UNC50: variants seen among roughly 807,000 people sequenced by gnomAD.
The protein encoded by UNC50 is unc-50 inner nuclear membrane RNA binding protein, also known as protein unc-50 homolog.
A neutral mutation model predicts 31.5 loss-of-function variants in UNC50; 24 were observed. The ratio of observed to expected loss-of-function variants is 0.76; its 90% CI spans 0.55 to 1.07. UNC50 has a LOEUF of 1.07. UNC50 is among the 50% of genes least tolerant of loss of function. The probability of loss-of-function intolerance (pLI) is 0.00; values close to 1 mark genes in which losing one functional copy is unlikely to be tolerated. For missense variants in UNC50, 245 were observed against 304.2 expected (o/e 0.81, Z 1.45); for synonymous variants, 118 against 114.7 (o/e 1.03, Z -0.18).
intron 3 of UNC50, among the ~76,000 whole-genome samples, chr2:98,611,194 A>T (rs1418560518): frequency 6.6e-6 from 1 of 152,246 alleles, no homozygotes; most frequent in Non-Finnish European, 1.5e-5. Flanking sequence ...AGTTAAGGAC[A>T]TGCCTGTGAC....
intron 3 of UNC50, 60 bp downstream of exon 3, chr2:98,610,955 A>G (rs571419398): frequency 6.4e-7 from 1 of 1,555,802 alleles, no homozygotes; most frequent in African/African-American, 1.4e-5. Context: ...TGTTTGCTTC[A>G]GAGGTACAAT....
Position 98,608,626 on chromosome 2 carries a change from G to T in UNC50, c.-105G>T, listed in dbSNP as rs1405759232. The T allele has an allele frequency of 3.4e-6, 2 of 586,262 alleles. No individual in the cohort carries two copies. Among genetic ancestry groups the T allele is most frequent in the Non-Finnish European group, 6.0e-6 (2 of 330,628 alleles). 36.3% of individuals were successfully genotyped at this position (586,262 alleles called of 1,614,324 possible). A position where few individuals can be genotyped will look rare whatever the true frequency, so the allele number is the denominator to read the frequency against. On this transcript the variant is annotated 5_prime_UTR_variant, in exon 1 of 6. Transcript: ENST00000357765. ...GCGGCGCGCCCCAAGGGCCGGCTCC[G>T]TTGAGGGAAGGGAAGCCCGCCCGGT...
intron 5 of UNC50, 161 bp from the exon 6 acceptor site, chr2:98,618,007 G>T (rs903301061): frequency 1.1e-5 from 8 of 738,940 alleles, no homozygotes; most frequent in East Asian, 2.8e-5. Flanking sequence ...GGGTTGGGAA[G>T]AGTAGTCTAG....
intron 1 of UNC50, chr2:98,609,465 A>T (rs778029256): frequency 3.3e-5 from 16 of 488,898 alleles, no homozygotes; most frequent in Non-Finnish European, 5.9e-5. Context: ...CCTCGGAGTC[A>T]TGGGGCAGTC....
In UNC50 at chr2:98,616,235, C is replaced by T. The variant is rs1250323087; in HGVS notation, c.430C>T (p.Arg144Ter). 1.2e-6 allele frequency: 2 copies of T among 1,613,126 alleles called. No individual in the cohort carries two copies. The highest frequency in any genetic ancestry group is 1.7e-5 in the Admixed American group (1 of 59,818). ...WFISNKYLVKRQSRDYDVEWG... is the reference protein window; with the variant it reads ...WFISNKYLVK Reference sequence around the variant, plus strand: ...CATCTCTAACAAGTATTTAGTGAAACGACAGAGCAGAGACTATGATGTGGA... The same window carrying T: ...CATCTCTAACAAGTATTTAGTGAAATGACAGAGCAGAGACTATGATGTGGA... Residue 144 changes from arginine (R) to a stop codon, truncating the protein, a stop_gained, in exon 4 of 6, where the codon CGA (arginine) becomes TGA (stop). Coordinates refer to ENST00000357765, the MANE Select transcript of UNC50 (RefSeq NM_014044.7). LOFTEE classifies it high-confidence loss of function.
At chr2:98,612,710 A>G (rs948963552) in intron 3 of UNC50, among the ~76,000 whole-genome samples, 3 of 152,224 alleles carry the variant, frequency 2.0e-5, no homozygotes, top group African/African-American at 7.2e-5. Context: ...CGCCCAGCCA[A>G]TACCACCCTT....
chr2:98,609,706 C>G (rs769797554), intron 1 of UNC50, 50 bp from the exon 2 acceptor site: 1 of 1,609,540 alleles, frequency 6.2e-7, no homozygotes, highest in Non-Finnish European at 8.5e-7. Flanking sequence ...TGTCGGTAGC[C>G]AAATGTTTCT....
intron 3 of UNC50, among the ~76,000 whole-genome samples, chr2:98,615,660 G>A (rs1380116806): frequency 1.3e-5 from 2 of 152,078 alleles, no homozygotes; most frequent in Non-Finnish European, 2.9e-5. Flanking sequence ...CTTGTCTCTG[G>A]AGTCTGTTCT....
chr2:98,611,296 A>G (rs1175557841), intron 3 of UNC50, among the ~76,000 whole-genome samples: 1 of 152,244 alleles, frequency 6.6e-6, no homozygotes, highest in Non-Finnish European at 1.5e-5. Flanking sequence ...ACATCAGTCA[A>G]TATGTGTAAA....
rs375086000 is a variant in UNC50 at position 98,616,306 on chromosome 2, C to T, written c.501C>T (p.Leu167=). 7 of 1,614,116 alleles carry T rather than the reference C, an allele frequency of 4.3e-6. No homozygotes were observed. The highest frequency in any genetic ancestry group is 5.9e-6 in the Non-Finnish European group (7 of 1,180,010). ...TGCATCTCAATGCTTTTTATCCACT[C>T]CTGGTCATTTTGCATTTTATCCAGC... ...FDVHLNAFYP[L]LVILHFIQLF... The change falls in exon 4 of 6, where the codon CTC becomes CTT. Residue 167 remains leucine (L), a synonymous_variant. Transcript: ENST00000357765.
At chr2:98,609,546 T>C in intron 1 of UNC50, 1 of 673,966 alleles carries the variant, frequency 1.5e-6, no homozygotes, top group African/African-American at 1.8e-5. Flanking sequence ...AAGGGTGGGC[T>C]GTTGCCCTTG....
intron 1 of UNC50, 119 bp from the exon 2 acceptor site, chr2:98,609,637 C>G: frequency 6.6e-7 from 1 of 1,509,678 alleles, no homozygotes; most frequent in South Asian, 1.2e-5. Flanking sequence ...CCTGGCCTTT[C>G]TCTAGGGTTG....
intron 5 of UNC50, 152 bp downstream of exon 5, chr2:98,616,685 C>T (rs1176007620): frequency 1.5e-6 from 1 of 658,618 alleles, no homozygotes; most frequent in South Asian, 2.0e-5. Flanking sequence ...ATGACAATTA[C>T]ACAGGTTTGT....
intron 5 of UNC50, among the ~76,000 whole-genome samples, chr2:98,617,551 G>A (rs1700948879): frequency 7.0e-6 from 1 of 142,606 alleles, no homozygotes; most frequent in Non-Finnish European, 1.6e-5. Context: ...AGCTCAGTTT[G>A]TTTAAGAACT....
At chr2:98,610,989 CAG>C in intron 3 of UNC50, 94 bp downstream of exon 3, 1 of 1,398,100 alleles carries the variant, frequency 7.2e-7, no homozygotes, top group Non-Finnish European at 9.6e-7. Flanking sequence ...AATTGAAACC[CAG>C]GTAGAGTTAC....
rs183338473 is a variant in UNC50, at chr2:98,617,241, G to C, written c.643+708G>C. 4.5e-3 allele frequency among the ~76,000 whole-genome samples: 690 copies of C among 152,208 alleles called. 7 individuals carry two copies. Among genetic ancestry groups the C allele is most frequent in the African/African-American group, 0.016 (648 of 41,528 alleles). ...TACGTTTCTTACCCCTTCCTTTCCT[G>C]TTACTGTAGATGATTAGGGCCTAAC... On this transcript the variant is annotated intron_variant, in intron 5 of 5. Transcript: ENST00000357765.
At chr2:98,609,221 C>G (rs1204909982) in intron 1 of UNC50, 2 of 158,308 alleles carry the variant, frequency 1.3e-5, no homozygotes, top group African/African-American at 2.4e-5. Flanking sequence ...TGAACTATTC[C>G]GGATGTAAAA....
chr2:98,616,119 A>AATT, intron 3 of UNC50, 88 bp from the exon 4 acceptor site: 6 of 1,374,002 alleles, frequency 4.4e-6, no homozygotes, highest in Non-Finnish European at 4.9e-6. Context: ...ATATCTCCAG[A>AATT]ATTTAGAATG....
At chr2:98,618,123 A>ATTT (rs57212171) in intron 5 of UNC50, 45 bp from the exon 6 acceptor site, 227 of 1,233,120 alleles carry the variant, frequency 1.8e-4, no homozygotes, top group South Asian at 4.4e-4. Context: ...TTAGTCATTT[A>ATTT]TTTTTTTTTT....
Sources: allele counts gnomAD v4.1 joint callset (sites outside exome capture counted in the v4.1 genomes callset), GRCh38; gene constraint gnomAD v4.1.1; transcripts MANE v1.5; gene names NCBI Gene and HGNC (gene_info 2026-07-23, HGNC 2026-07-21).